SYK: variants seen among roughly 807,000 people sequenced by gnomAD.
SYK encodes the protein spleen associated tyrosine kinase.
In SYK, 16 loss-of-function variants were observed where a neutral mutation model predicts 77.8. That is an observed-to-expected ratio of 0.21 (90% CI 0.14 to 0.31). The LOEUF is 0.31. Ranked by LOEUF, SYK falls within the 10% of genes least tolerant of loss-of-function variation. The pLI is 1.00. For missense variants in SYK, 529 were observed against 814.4 expected, an observed-to-expected ratio of 0.65 and a Z score of 4.26; for synonymous variants, 312 against 308.7, an observed-to-expected ratio of 1.01 and a Z score of -0.11.
intron 1 of SYK, among the ~76,000 whole-genome samples, chr9:90,806,974 T>G (rs1038945877): frequency 7.0e-6 from 1 of 143,172 alleles, no homozygotes; most frequent in African/African-American, 2.5e-5. Flanking sequence ...GATTGATTCC[T>G]GAAGTGGAAC....
At chr9:90,824,257 C>G (rs1825602245) in intron 1 of SYK, among the ~76,000 whole-genome samples, 1 of 152,072 alleles carries the variant, frequency 6.6e-6, no homozygotes. Context: ...ACCTTTAAAA[C>G]AGAAATCATC....
chr9:90,836,753 T>C (rs12344881), intron 1 of SYK, among the ~76,000 whole-genome samples: 26,966 of 152,140 alleles, frequency 0.18, 2,438 homozygotes, highest in South Asian at 0.22. Context: ...AATAACACCA[T>C]GGGTCCCATG....
chr9:90,877,870 G>A, intron 10 of SYK, 90 bp downstream of exon 10: 2 of 1,398,708 alleles, frequency 1.4e-6, no homozygotes, highest in Non-Finnish European at 2.0e-6. Context: ...ATTTCCTTGG[G>A]AAGCCTTCCC....
chr9:90,885,132 A>G (rs934763379), intron 11 of SYK, among the ~76,000 whole-genome samples: 2 of 151,780 alleles, frequency 1.3e-5, no homozygotes, highest in African/African-American at 4.8e-5. Flanking sequence ...GCAAGGAAAT[A>G]TGATACCTCC....
chr9:90,888,455 G>A, intron 12 of SYK, 60 bp from the exon 13 acceptor site: 1 of 1,297,792 alleles, frequency 7.7e-7, no homozygotes. Flanking sequence ...TGGCTGTTTT[G>A]TTTTGTTTGA....
chr9:90,878,991 G>A, intron 11 of SYK, 38 bp downstream of exon 11: 2 of 1,442,438 alleles, frequency 1.4e-6, no homozygotes, highest in Non-Finnish European at 1.9e-6. Context: ...GCAGCAGGTG[G>A]TAAAAAATGC....
chr9:90,813,217 G>C (rs1052295753), intron 1 of SYK, among the ~76,000 whole-genome samples: 1 of 151,988 alleles, frequency 6.6e-6, no homozygotes, highest in Non-Finnish European at 1.5e-5. Flanking sequence ...GGTGTCTGTG[G>C]GTTGGCTTCT....
chr9:90,856,697 T>C (rs1454340357), intron 3 of SYK, among the ~76,000 whole-genome samples: 1 of 151,976 alleles, frequency 6.6e-6, no homozygotes, highest in Non-Finnish European at 1.5e-5. Flanking sequence ...TTGTTAAACA[T>C]TTCATAGTTT....
rs568920195 is a variant in SYK, at chr9:90,858,859, C to T, written c.579-3347C>T. 2.0e-5 allele frequency among the ~76,000 whole-genome samples: 3 copies of T among 152,314 alleles called. No individual in the cohort carries two copies. The South Asian group carries it at 6.2e-4, about 32-fold the overall frequency. On this transcript the variant is annotated intron_variant, in intron 3 of 13. Transcript: ENST00000375754. The stretch of plus-strand genomic sequence containing the variant: ...CCAGGCCACATGTCCATGGTCACTA[C>T]CTATACCTTCCAGTTACCTGTTGCC...
At chr9:90,811,939 GAA>G (rs5899108) in intron 1 of SYK, among the ~76,000 whole-genome samples, 1,726 of 136,538 alleles carry the variant, frequency 0.013, 33 homozygotes, top group African/African-American at 0.04. Context: ...AATAATAAGT[GAA>G]AAAAAAAAAA....
At chr9:90,828,694 C>T (rs920005909) in intron 1 of SYK, among the ~76,000 whole-genome samples, 9 of 152,222 alleles carry the variant, frequency 5.9e-5, no homozygotes, top group Middle Eastern at 3.4e-3. Flanking sequence ...ATTGTGTGTG[C>T]GTTGCGTGTG....
chr9:90,812,014 C>T (rs1318675769), intron 1 of SYK, among the ~76,000 whole-genome samples: 3 of 151,482 alleles, frequency 2.0e-5, no homozygotes, highest in African/African-American at 7.3e-5. Flanking sequence ...TCGTTTACTA[C>T]TTATACATGC....
chr9:90,898,248 G>C lies in SYK; in HGVS notation c.*2648G>C, dbSNP rs1829069962. On this transcript the variant is annotated 3_prime_UTR_variant, in exon 14 of 14. Transcript: ENST00000375754. ...TCTATCACAGAAAACAGTGTGTTCA[G>C]TGGTGAAAATCGTTGCATGCATGTT... 4.3e-6 allele frequency: 1 copy of C among 231,250 alleles called. No homozygotes were observed. Among genetic ancestry groups the C allele is most frequent in the Admixed American group, 5.6e-5 (1 of 17,718 alleles). The allele number at this position is 231,250 out of a possible 1,614,324, so 14.3% of individuals were successfully genotyped here. A position where few individuals can be genotyped will look rare whatever the true frequency, so the allele number is the denominator to read the frequency against.
intron 1 of SYK, among the ~76,000 whole-genome samples, chr9:90,802,766 C>T (rs1344585137): frequency 8.6e-6 from 1 of 116,196 alleles, no homozygotes; most frequent in Non-Finnish European, 1.6e-5. Flanking sequence ...CCTGACTTAG[C>T]AAAGATTCAG....
In SYK at chr9:90,844,189, T is replaced by C; in HGVS notation, c.291T>C (p.Asp97=). 6.2e-7 allele frequency: 1 copy of C among 1,614,244 alleles called. No individual in the cohort carries two copies. The highest frequency in any genetic ancestry group is 8.5e-7 in the Non-Finnish European group (1 of 1,180,024). ...GCCACTACCACTCCCAGGAGTCTGA[T>C]GGCCTGGTCTGCCTCCTCAAGAAGC... ...DLCHYHSQES[D]GLVCLLKKPF... Residue 97 remains aspartate (D), a synonymous_variant, in exon 2 of 14, where the codon GAT becomes GAC. Coordinates refer to ENST00000375754, the MANE Select transcript of SYK (RefSeq NM_003177.7).
intron 4 of SYK, among the ~76,000 whole-genome samples, chr9:90,862,892 A>G (rs180776546): frequency 2.0e-5 from 3 of 152,218 alleles, no homozygotes; most frequent in African/African-American, 7.2e-5. Flanking sequence ...TGCCCTCCTC[A>G]TTGTAAATCG....
At chr9:90,883,653 C>G (rs894466368) in intron 11 of SYK, among the ~76,000 whole-genome samples, 8 of 152,110 alleles carry the variant, frequency 5.3e-5, no homozygotes, top group African/African-American at 1.7e-4. Flanking sequence ...GAGCACAAGT[C>G]CATTGGCCTA....
intron 1 of SYK, among the ~76,000 whole-genome samples, chr9:90,833,469 C>A (rs557562469): frequency 3.3e-5 from 5 of 152,276 alleles, no homozygotes; most frequent in Admixed American, 2.6e-4. Context: ...GCTCAGCCCC[C>A]CTTCATCATG....
At chr9:90,803,019 CCTT>C (rs1824667482) in intron 1 of SYK, among the ~76,000 whole-genome samples, 1 of 152,084 alleles carries the variant, frequency 6.6e-6, no homozygotes. Context: ...TTGATGTCCT[CCTT>C]CTCCCCAGTG....
Sources: allele counts gnomAD v4.1 joint callset (sites outside exome capture counted in the v4.1 genomes callset), GRCh38; gene constraint gnomAD v4.1.1; transcripts MANE v1.5; gene names NCBI Gene and HGNC (gene_info 2026-07-23, HGNC 2026-07-21).